PAQR3: variants seen among roughly 807,000 people sequenced by gnomAD.
PAQR3 encodes progestin and adipoQ receptor family member 3.
In PAQR3, 39 loss-of-function variants were observed where a neutral mutation model predicts 41.7. That is an observed-to-expected ratio of 0.93 (90% CI 0.72 to 1.22). The LOEUF is 1.22. PAQR3 is among the 50% of genes most tolerant of loss of function. PAQR3 has a pLI of 0.00. For synonymous variants in PAQR3, 140 were observed against 140.6 expected, an observed-to-expected ratio of 1.00 and a Z score of 0.03; for missense variants, 366 against 385.6, an observed-to-expected ratio of 0.95 and a Z score of 0.42.
chr4:78,911,472 A>C (rs773165631), downstream of PAQR3: 1 of 1,614,072 alleles, frequency 6.2e-7, no homozygotes, highest in Admixed American at 1.7e-5. Context: ...AGCGCAGCTT[A>C]CAGAAACTGT....
intron 2 of PAQR3, chr4:78,933,009 A>G (rs1737067266): frequency 1.1e-5 from 4 of 358,234 alleles, no homozygotes; most frequent in Non-Finnish European, 1.7e-5. Flanking sequence ...TCATGATTTG[A>G]TCCCTGCCAA....
chr4:78,926,515 A>T lies in PAQR3; in HGVS notation c.702+6T>A. 1 of 1,606,774 alleles carries T rather than the reference A, an allele frequency of 6.2e-7. No homozygotes were observed. On this transcript the variant is annotated splice_donor_region_variant and intron_variant, in intron 4 of 5. Coordinates refer to ENST00000512733, the MANE Select transcript of PAQR3 (RefSeq NM_001040202.2). ...AAGAGAAAAATATTAACTACACTCA[A>T]CCTACCTGTACAATAGGAGCACCAA...
chr4:78,939,360 G>A lies in PAQR3; in HGVS notation c.-136C>T, dbSNP rs1042967020. Reference sequence around the variant, plus strand: ...GAGGTCCTACCGCGCTGCCGCTGCTGCCCAGGGCCCGGCTCTGCGCTCACA... The same window carrying A: ...GAGGTCCTACCGCGCTGCCGCTGCTACCCAGGGCCCGGCTCTGCGCTCACA... On this transcript the variant is annotated 5_prime_UTR_variant, in exon 1 of 6. Transcript: ENST00000512733. 10 of 709,504 alleles carry A rather than the reference G, an allele frequency of 1.4e-5. No individual in the cohort carries two copies. The highest frequency in any genetic ancestry group is 4.6e-4 in the Middle Eastern group (1 of 2,160). The allele number at this position is 709,504 out of a possible 1,614,324, so 44.0% of individuals were successfully genotyped here.
At chr4:78,904,507 T>C (rs2110099882) in intron 11 of PAQR3, among the ~76,000 whole-genome samples, 1 of 152,054 alleles carries the variant, frequency 6.6e-6, no homozygotes, top group Non-Finnish European at 1.5e-5. Flanking sequence ...CACAAGATAA[T>C]TTAAAACTTT....
intron 3 of PAQR3, among the ~76,000 whole-genome samples, chr4:78,929,319 G>A (rs10016966): frequency 0.84 from 127,520 of 152,200 alleles, 53,484 homozygotes; most frequent in East Asian, 0.9. Flanking sequence ...AAAAAACAAG[G>A]GCATGGTAGA....
At chr4:78,906,334 T>C (rs1447781401) in intron 10 of PAQR3, among the ~76,000 whole-genome samples, 1 of 152,094 alleles carries the variant, frequency 6.6e-6, no homozygotes, top group Non-Finnish European at 1.5e-5. Flanking sequence ...GGATAAATAT[T>C]TTTGATTGTT....
intron 5 of PAQR3, chr4:78,921,604 A>C: frequency 1.2e-6 from 1 of 851,968 alleles, no homozygotes; most frequent in Non-Finnish European, 1.4e-6. Context: ...TACAACTATC[A>C]GAGATCCACT....
intron 11 of PAQR3, among the ~76,000 whole-genome samples, chr4:78,899,708 G>A (rs190841588): frequency 2.0e-5 from 3 of 152,044 alleles, no homozygotes; most frequent in East Asian, 3.9e-4. Flanking sequence ...TGTCCACAGG[G>A]TTACAGGGTT....
At chr4:78,894,934 A>C (rs183514494) in intron 11 of PAQR3, among the ~76,000 whole-genome samples, 1 of 152,328 alleles carries the variant, frequency 6.6e-6, no homozygotes, top group African/African-American at 2.4e-5. Context: ...ACCTAAGGAA[A>C]GGGAGAGAGA....
In PAQR3 at chr4:78,912,077, G is replaced by A. The variant is rs1734663524; in HGVS notation, c.*8462C>T. The A allele has an allele frequency of 1.3e-6, 2 of 1,508,422 alleles. No individual in the cohort carries two copies. Among genetic ancestry groups the A allele is most frequent in the Admixed American group, 4.1e-5 (2 of 49,368 alleles). The allele number at this position is 1,508,422 out of a possible 1,614,324, so 93.4% of individuals were successfully genotyped here. A position where few individuals can be genotyped will look rare whatever the true frequency, so the allele number is the denominator to read the frequency against. Reference sequence around the variant, plus strand: ...CGGCATTAACTCCTGTTTCAAAAAAGTGTGAACAGTTTTATGAATTTGAAA... The same window carrying A: ...CGGCATTAACTCCTGTTTCAAAAAAATGTGAACAGTTTTATGAATTTGAAA... On this transcript the variant is annotated 3_prime_UTR_variant, in exon 6 of 6. Transcript: ENST00000512733.
chr4:78,906,037 C>G (rs903076580), intron 11 of PAQR3: 1 of 152,078 alleles, frequency 6.6e-6, no homozygotes, highest in Non-Finnish European at 1.5e-5. Flanking sequence ...ATTCACCTTT[C>G]TTTCCCAGCT....
chr4:78,923,439 G>A (rs375970619), intron 5 of PAQR3: 2 of 220,380 alleles, frequency 9.1e-6, no homozygotes, highest in Non-Finnish European at 1.8e-5. Context: ...CCATTAACTC[G>A]TCATTTACAT....
intron 11 of PAQR3, among the ~76,000 whole-genome samples, chr4:78,891,309 C>G (rs572906128): frequency 1.3e-5 from 2 of 152,250 alleles, no homozygotes; most frequent in South Asian, 4.2e-4. Context: ...TTCCTCCTTA[C>G]CCCACCATGG....
intron 11 of PAQR3, among the ~76,000 whole-genome samples, chr4:78,900,972 GA>G (rs1733970621): frequency 6.6e-6 from 1 of 152,096 alleles, no homozygotes. Context: ...ATTGACTTTG[GA>G]ATTATAAAAC....
chr4:78,887,469 C>G (rs1733159209), intron 12 of PAQR3, among the ~76,000 whole-genome samples: 1 of 152,088 alleles, frequency 6.6e-6, no homozygotes, highest in South Asian at 2.1e-4. Flanking sequence ...TCAGTTGTAT[C>G]TTTGCCAACA....
In PAQR3 at chr4:78,939,081, G is replaced by C; in HGVS notation, c.144C>G (p.Asp48Glu). The C allele has an allele frequency of 1.2e-6, 2 of 1,612,186 alleles. No individual in the cohort carries two copies. Among genetic ancestry groups the C allele is most frequent in the Non-Finnish European group, 1.7e-6 (2 of 1,178,598 alleles). The change falls in exon 1 of 6, where the codon GAC (aspartate) becomes GAG (glutamate). Residue 48 changes from aspartate to glutamate, a missense_variant. By Grantham distance (45) the Asp-to-Glu change is conservative. Transcript: ENST00000512733. Reference protein sequence around the residue: ...GSLKDNPYITDGYRAYLPSRL... With the variant: ...GSLKDNPYITEGYRAYLPSRL... The stretch of plus-strand genomic sequence containing the variant: ...TGGACGGCAGGTAGGCCCGGTAGCC[G>C]TCGGTGATGTACGGGTTGTCCTTGA...
chr4:78,927,414 G>C (rs1736351228), intron 3 of PAQR3, among the ~76,000 whole-genome samples: 1 of 152,222 alleles, frequency 6.6e-6, no homozygotes, highest in Non-Finnish European at 1.5e-5. Flanking sequence ...GCAGAAAATA[G>C]GTGACAGGAA....
At chr4:78,933,863 G>A (rs1325281915) in intron 2 of PAQR3, among the ~76,000 whole-genome samples, 1 of 152,144 alleles carries the variant, frequency 6.6e-6, no homozygotes, top group Non-Finnish European at 1.5e-5. Context: ...TAAAGAATAG[G>A]CCTAGGGATG....
intron 11 of PAQR3, among the ~76,000 whole-genome samples, chr4:78,905,878 C>T (rs112717629): frequency 0.028 from 4,327 of 151,852 alleles, 226 homozygotes; most frequent in African/African-American, 0.099. Flanking sequence ...TTATGGCATT[C>T]TTAGCTAGAG....
Sources: gnomAD v4.1 joint callset for allele counts (sites outside exome capture counted in the v4.1 genomes callset) on GRCh38, gnomAD v4.1.1 for gene constraint, MANE v1.5 for transcripts, NCBI Gene and HGNC (gene_info 2026-07-23, HGNC 2026-07-21) for gene names.